Variants in EBF1 observed in about 807,000 individuals in gnomAD.
The protein encoded by EBF1 is EBF transcription factor 1.
EBF1 carries 10 observed loss-of-function variants against 68.4 expected under a neutral mutation model. The ratio of observed to expected loss-of-function variants is 0.15; its 90% CI spans 0.09 to 0.25. The LOEUF is 0.25. Ranked by LOEUF, EBF1 falls within the 10% of genes least tolerant of loss-of-function variation. The probability of loss-of-function intolerance (pLI) is 1.00; values close to 1 mark genes in which losing one functional copy is unlikely to be tolerated. For missense variants in EBF1, 509 were observed against 794.4 expected (o/e 0.64, Z 4.32); for synonymous variants, 298 against 299.8 (o/e 0.99, Z 0.06).
chr5:159,097,576 C>A (rs552317484), intron 1 of EBF1: 3 of 239,746 alleles, frequency 1.3e-5, no homozygotes, highest in Non-Finnish European at 2.5e-5. Flanking sequence ...GGAAAACATG[C>A]TCGGCGTCTC....
Position 158,998,277 on chromosome 5 carries a change from T to C in EBF1, c.554+75119A>G, listed in dbSNP as rs1165403143. Among the ~76,000 whole-genome samples the C allele has an allele frequency of 2.6e-5, 4 of 152,312 alleles. No homozygotes were observed. In the South Asian group the frequency reaches 8.3e-4, roughly 32 times the overall value. ...CAGAATGAACTAAACCCAATCTGTCTTGCTTTCTGCTCAGATGCAACCTCC... is the reference window on the plus strand; with the variant it reads ...CAGAATGAACTAAACCCAATCTGTCCTGCTTTCTGCTCAGATGCAACCTCC... On this transcript the variant is annotated intron_variant, in intron 6 of 15. Coordinates refer to ENST00000313708, the MANE Select transcript of EBF1 (RefSeq NM_024007.5).
In EBF1 at chr5:158,696,530, C is replaced by T. The variant is rs903410572; in HGVS notation, c.*2581G>A. Reference sequence around the variant, plus strand: ...AAGGGGCTCACCAGATAAAATATGGCTTTAACTTGTGTACATCTTCAGGCC... The same window carrying T: ...AAGGGGCTCACCAGATAAAATATGGTTTTAACTTGTGTACATCTTCAGGCC... On this transcript the variant is annotated 3_prime_UTR_variant, in exon 16 of 16. Transcript: ENST00000313708. 12 of 224,810 alleles carry T rather than the reference C, an allele frequency of 5.3e-5. No individual in the cohort carries two copies. Among genetic ancestry groups the T allele is most frequent in the African/African-American group, 2.5e-4 (11 of 44,810 alleles). The allele number at this position is 224,810 out of a possible 1,614,324, so 13.9% of individuals were successfully genotyped here.
chr5:158,884,572 G>A lies in EBF1; in HGVS notation c.555-44462C>T, dbSNP rs905115604. On this transcript the variant is annotated intron_variant, in intron 6 of 15. Transcript: ENST00000313708. ...GGAAAGTTGAAGAGACAGCTGGAAT[G>A]CTGTGTGAGAGTGCTTTTAGGTGGA... Among the ~76,000 whole-genome samples the A allele has an allele frequency of 2.0e-5, 3 of 152,308 alleles. No individual in the cohort carries two copies. In the East Asian group the frequency reaches 5.8e-4, roughly 29 times the overall value.
intron 9 of EBF1, among the ~76,000 whole-genome samples, chr5:158,787,872 T>A (rs2127718244): frequency 6.6e-6 from 1 of 152,360 alleles, no homozygotes; most frequent in Admixed American, 6.5e-5. Flanking sequence ...TTAAGACATT[T>A]ATGTGCATAC....
chr5:159,069,332 A>G (rs1777412726), intron 6 of EBF1, among the ~76,000 whole-genome samples: 1 of 152,044 alleles, frequency 6.6e-6, no homozygotes, highest in Admixed American at 6.6e-5. Flanking sequence ...ATTCAAACAA[A>G]CAAACAAACA....
intron 6 of EBF1, among the ~76,000 whole-genome samples, chr5:158,853,177 T>C (rs1793312840): frequency 6.6e-6 from 1 of 152,236 alleles, no homozygotes; most frequent in Non-Finnish European, 1.5e-5. Context: ...TGCTATTCTC[T>C]TTTTTAGAGA....
Position 158,717,801 on chromosome 5 carries a change from C to CA in EBF1, c.1126-3620dup, listed in dbSNP as rs1270791423. ...TTGGATTTCTTCTCTCTTAAAGATA[C>CA]AAAAAAGCTTTACTCCTTAAAAACA... is the stretch of plus-strand genomic sequence containing the variant. On this transcript the variant is annotated intron_variant, in intron 11 of 15. Transcript: ENST00000313708. Among the ~76,000 whole-genome samples the CA allele has an allele frequency of 1.1e-4, 16 of 151,930 alleles. 1 individual carries two copies. The highest frequency in any genetic ancestry group is 2.2e-4 in the Non-Finnish European group (15 of 67,946).
intron 6 of EBF1, among the ~76,000 whole-genome samples, chr5:158,963,907 T>G (rs1456320686): frequency 6.6e-6 from 1 of 152,168 alleles, no homozygotes; most frequent in Non-Finnish European, 1.5e-5. Flanking sequence ...AAGACAATAA[T>G]ATCCTGCACC....
chr5:158,760,693 G>A (rs749754677), intron 10 of EBF1, among the ~76,000 whole-genome samples: 2 of 152,052 alleles, frequency 1.3e-5, no homozygotes, highest in African/African-American at 4.8e-5. Context: ...TCTCAGGTGC[G>A]ATCTTATACC....
rs941747918 is a variant in EBF1 at position 158,712,033 on chromosome 5, C to A, written c.1549+121G>T. 6 of 1,235,606 alleles carry A rather than the reference C, an allele frequency of 4.9e-6. No individual in the cohort carries two copies. The African/African-American group carries it at 9.0e-5, about 18-fold the overall frequency. The allele number at this position is 1,235,606 out of a possible 1,614,324, so 76.5% of individuals were successfully genotyped here. ...TTAGCACCATCACCCAGGGGAGTGC[C>A]TTACAGGAGGGAAAGATGGGGGGCC... On this transcript the variant is annotated intron_variant, in intron 14 of 15. Transcript: ENST00000313708.
At chr5:159,017,830 C>T (rs1765910818) in intron 6 of EBF1, among the ~76,000 whole-genome samples, 1 of 152,174 alleles carries the variant, frequency 6.6e-6, no homozygotes, top group Non-Finnish European at 1.5e-5. Context: ...ACTGAGAAGG[C>T]TAAGGAGTAT....
intron 10 of EBF1, among the ~76,000 whole-genome samples, chr5:158,739,660 G>A (rs1349900605): frequency 6.6e-6 from 1 of 152,116 alleles, no homozygotes; most frequent in East Asian, 1.9e-4. Context: ...AACATATTCT[G>A]TCTTTCTTAA....
At chr5:158,963,099 C>T (rs567794941) in intron 6 of EBF1, among the ~76,000 whole-genome samples, 35 of 152,274 alleles carry the variant, frequency 2.3e-4, no homozygotes, top group Middle Eastern at 3.4e-3. Flanking sequence ...TTAACTTCTT[C>T]GGTGGCTTAT....
At chr5:158,997,173 T>C (rs1761581248) in intron 6 of EBF1, among the ~76,000 whole-genome samples, 1 of 152,142 alleles carries the variant, frequency 6.6e-6, no homozygotes, top group African/African-American at 2.4e-5. Context: ...TCAGGGCCTT[T>C]GGAGCAGTGA....
At chr5:158,939,717 A>T (rs1194220408) in intron 6 of EBF1, among the ~76,000 whole-genome samples, 1 of 130,972 alleles carries the variant, frequency 7.6e-6, no homozygotes, top group Non-Finnish European at 1.6e-5. Flanking sequence ...AGCGAATATC[A>T]GTAGTCATGG....
chr5:158,782,451 G>A (rs1776619254), intron 9 of EBF1, among the ~76,000 whole-genome samples: 2 of 151,958 alleles, frequency 1.3e-5, no homozygotes, highest in Admixed American at 6.6e-5. Flanking sequence ...TTGAGCCCAG[G>A]AATTTGAGAC....
chr5:159,094,298 T>C (rs1466750196), intron 4 of EBF1, among the ~76,000 whole-genome samples: 1 of 150,352 alleles, frequency 6.7e-6, no homozygotes, highest in Non-Finnish European at 1.5e-5. Flanking sequence ...CTCTGAGCAA[T>C]CAACTGAGAA....
chr5:158,978,554 T>C (rs928431600), intron 6 of EBF1, among the ~76,000 whole-genome samples: 2 of 152,016 alleles, frequency 1.3e-5, no homozygotes, highest in Non-Finnish European at 2.9e-5. Context: ...CAGGAAAAAT[T>C]CCCTGGAAAC....
intron 10 of EBF1, among the ~76,000 whole-genome samples, chr5:158,752,782 C>A (rs531521430): frequency 6.6e-6 from 1 of 152,148 alleles, no homozygotes; most frequent in South Asian, 2.1e-4. Flanking sequence ...GTTGTAAAAT[C>A]TTGATAAGTT....
Sources: allele counts gnomAD v4.1 joint callset (sites outside exome capture counted in the v4.1 genomes callset), GRCh38; gene constraint gnomAD v4.1.1; transcripts MANE v1.5; gene names NCBI Gene and HGNC (gene_info 2026-07-23, HGNC 2026-07-21).